The following TMEM272 variants were observed in gnomAD, a reference collection of about 807,000 sequenced individuals.
TMEM272 encodes the protein transmembrane protein 272.
TMEM272 carries 8 observed loss-of-function variants against 3.7 expected under a neutral mutation model. The ratio of observed to expected loss-of-function variants is 2.17; its 90% CI spans 1.27 to 3.91. The LOEUF (loss-of-function observed/expected upper bound fraction) is 3.91, where lower values mean the gene tolerates loss of function less well. TMEM272 is among the 30% of genes most tolerant of loss of function. The probability of loss-of-function intolerance (pLI) is 0.00; values close to 1 mark genes in which losing one functional copy is unlikely to be tolerated. For missense variants in TMEM272, 166 were observed against 91.5 expected (o/e 1.81, Z -3.32); for synonymous variants, 63 against 39.8 (o/e 1.58, Z -2.20).
chr13:51,866,094 G>A, the TMEM272 span: 4 of 1,549,806 alleles, frequency 2.6e-6, no homozygotes, highest in Non-Finnish European at 3.5e-6. Context: ...GCATGCAGGT[G>A]CAGGGCCCTG....
chr13:51,859,192 G>A, the TMEM272 span, among the ~76,000 whole-genome samples: 1 of 149,246 alleles, frequency 6.7e-6, no homozygotes, highest in African/African-American at 2.5e-5. Flanking sequence ...AAAAAAAAAT[G>A]GTAATTGTTT....
At chr13:51,842,058 A>G (rs1274410001) in intron 1 of TMEM272, among the ~76,000 whole-genome samples, 3 of 152,216 alleles carry the variant, frequency 2.0e-5, no homozygotes, top group Non-Finnish European at 2.9e-5. Flanking sequence ...CACACATCAT[A>G]TGACCTCGTG....
the TMEM272 span, among the ~76,000 whole-genome samples, chr13:51,893,745 T>G: frequency 6.6e-6 from 1 of 152,164 alleles, no homozygotes; most frequent in African/African-American, 2.4e-5. Context: ...GGGAAAATGT[T>G]TTTTATTTAA....
intron 3 of TMEM272, among the ~76,000 whole-genome samples, chr13:51,825,856 G>A (rs9596585): frequency 0.029 from 4,386 of 151,922 alleles, 217 homozygotes; most frequent in African/African-American, 0.1. Flanking sequence ...CAATCGGCCC[G>A]CCTCAGCCCC....
At chr13:51,918,373 T>C in the TMEM272 span, among the ~76,000 whole-genome samples, 151 of 152,324 alleles carry the variant, frequency 9.9e-4, 3 homozygotes, top group East Asian at 0.017. Flanking sequence ...CTGGATATTT[T>C]AGAATTGCAC....
the TMEM272 span, among the ~76,000 whole-genome samples, chr13:51,861,135 A>G: frequency 2.3e-4 from 35 of 152,316 alleles, no homozygotes; most frequent in African/African-American, 7.9e-4. Flanking sequence ...AATATTAAAA[A>G]AATTAAAAAG....
At chr13:51,835,996 C>G (rs1046426954) in intron 2 of TMEM272, among the ~76,000 whole-genome samples, 1 of 152,186 alleles carries the variant, frequency 6.6e-6, no homozygotes, top group East Asian at 1.9e-4. Flanking sequence ...TGGGTCCAGT[C>G]TAGGCTGAAG....
At chr13:51,926,867 T>C in the TMEM272 span, among the ~76,000 whole-genome samples, 2 of 152,188 alleles carry the variant, frequency 1.3e-5, no homozygotes, top group African/African-American at 4.8e-5. Flanking sequence ...CATAGATACA[T>C]ATAATTTTAT....
chr13:51,890,146 G>A, the TMEM272 span, among the ~76,000 whole-genome samples: 2 of 152,068 alleles, frequency 1.3e-5, no homozygotes, highest in East Asian at 1.9e-4. Context: ...CTCTAAATAC[G>A]GAGGGAGCTA....
chr13:51,922,886 C>T, the TMEM272 span, among the ~76,000 whole-genome samples: 1 of 152,216 alleles, frequency 6.6e-6, no homozygotes, highest in Non-Finnish European at 1.5e-5. Flanking sequence ...TCCTACCTCC[C>T]TCTTAGAAAC....
the TMEM272 span, among the ~76,000 whole-genome samples, chr13:51,887,011 G>A: frequency 6.6e-6 from 1 of 152,166 alleles, no homozygotes; most frequent in Non-Finnish European, 1.5e-5. Context: ...ATCCCAATCA[G>A]TTCTCCGCTT....
At chr13:51,914,467 A>G in the TMEM272 span, among the ~76,000 whole-genome samples, 2 of 152,222 alleles carry the variant, frequency 1.3e-5, no homozygotes, top group African/African-American at 4.8e-5. Flanking sequence ...GCAGCATCTC[A>G]GGCCAATTCA....
chr13:51,823,009 C>A (rs984175486), intron 3 of TMEM272, among the ~76,000 whole-genome samples: 8 of 152,258 alleles, frequency 5.3e-5, no homozygotes, highest in Non-Finnish European at 1.0e-4. Context: ...CCAGCATGTG[C>A]CCTTGTTGGG....
rs1956116661 is a variant in TMEM272, at chr13:51,825,501, G to C, written c.118+1065C>G. Among the ~76,000 whole-genome samples, 11 of 152,278 alleles carry C rather than the reference G, an allele frequency of 7.2e-5. No individual in the cohort carries two copies. The South Asian group carries it at 1.9e-3, about 26-fold the overall frequency. The stretch of plus-strand genomic sequence containing the variant: ...CAAAAGGAAGGCTCCTACCCATTAA[G>C]CAATTAGGGTACTGGGTGTTTCGTT... On this transcript the variant is annotated intron_variant, in intron 3 of 4. Transcript: ENST00000629372.
the TMEM272 span, among the ~76,000 whole-genome samples, chr13:51,880,762 A>C: frequency 6.6e-6 from 1 of 152,224 alleles, no homozygotes; most frequent in Non-Finnish European, 1.5e-5. Flanking sequence ...TGCCACAAGA[A>C]AACCACAGAT....
At chr13:51,826,137 G>GAAAAAAA (rs1254151467) in intron 3 of TMEM272, among the ~76,000 whole-genome samples, 42 of 69,966 alleles carry the variant, frequency 6.0e-4, no homozygotes, top group African/African-American at 2.7e-3. Flanking sequence ...CATTCATTCA[G>GAAAAAAA]CAAAAAAAAA....
chr13:51,830,678 C>T (rs569991012), intron 2 of TMEM272, among the ~76,000 whole-genome samples: 1 of 152,250 alleles, frequency 6.6e-6, no homozygotes, highest in East Asian at 1.9e-4. Context: ...TATTTCAGCC[C>T]CCACTTCGGA....
chr13:51,834,267 G>A (rs562876025), intron 2 of TMEM272, among the ~76,000 whole-genome samples: 2 of 152,236 alleles, frequency 1.3e-5, no homozygotes, highest in East Asian at 1.9e-4. Context: ...TACCACTGCC[G>A]GGGGCCACCT....
At chr13:51,864,772 T>C in the TMEM272 span, among the ~76,000 whole-genome samples, 2 of 152,216 alleles carry the variant, frequency 1.3e-5, no homozygotes, top group African/African-American at 4.8e-5. Context: ...CTAAATATTG[T>C]GTGAGGGCCT....
Sources: gnomAD v4.1 joint callset for allele counts (sites outside exome capture counted in the v4.1 genomes callset) on GRCh38, gnomAD v4.1.1 for gene constraint, MANE v1.5 for transcripts, NCBI Gene and HGNC (gene_info 2026-07-23, HGNC 2026-07-21) for gene names.